UGT1A8: variants seen among roughly 807,000 people sequenced by gnomAD.
UGT1A8 encodes the protein UDP-glucuronosyltransferase 1A8.
In UGT1A8, 39 loss-of-function variants were observed where a neutral mutation model predicts 45.3. That is an observed-to-expected ratio of 0.86 (90% confidence interval 0.67 to 1.12). The LOEUF (loss-of-function observed/expected upper bound fraction) is 1.12. Ranked by LOEUF, UGT1A8 falls within the 50% of genes most tolerant of loss-of-function variation. The pLI is 0.00. For missense variants in UGT1A8, 719 were observed against 664.9 expected (o/e 1.08, Z -0.90); for synonymous variants, 275 against 249.2 (o/e 1.10, Z -0.97).
chr2:233,772,026 TG>T lies in UGT1A8; in HGVS notation c.1296-234del, dbSNP rs35071442. On this transcript the variant is annotated intron_variant, in intron 4 of 4. Transcript: ENST00000373450. Reference sequence around the variant, plus strand: ...TACTCTGGAGGCTGAGGCAGGAGGATGGCTTGAGCCCAGGAGTTGGAGGCTG... The same window carrying T: ...TACTCTGGAGGCTGAGGCAGGAGGATGCTTGAGCCCAGGAGTTGGAGGCTG... 2.7e-3 allele frequency among the ~76,000 whole-genome samples: 414 copies of T among 152,300 alleles called. 2 individuals carry two copies. Among genetic ancestry groups the T allele is most frequent in the African/African-American group, 9.1e-3 (379 of 41,546 alleles).
chr2:233,725,771 TTTG>T (rs1358189375), intron 1 of UGT1A8, among the ~76,000 whole-genome samples: 1 of 152,264 alleles, frequency 6.6e-6, no homozygotes, highest in Admixed American at 6.5e-5. Flanking sequence ...CTTCACATAG[TTTG>T]TTGTTATCAT....
chr2:233,729,775 C>G (rs775577941), intron 1 of UGT1A8: 2 of 1,613,826 alleles, frequency 1.2e-6, no homozygotes, highest in East Asian at 2.2e-5. Context: ...CATGCTCTAC[C>G]CTCTGGCCCT....
At chr2:233,677,749 C>T (rs1351414878) in intron 1 of UGT1A8, among the ~76,000 whole-genome samples, 1 of 151,888 alleles carries the variant, frequency 6.6e-6, no homozygotes, top group African/African-American at 2.4e-5. Flanking sequence ...TTAGTTCATC[C>T]CCTGTGGGAA....
intron 1 of UGT1A8, among the ~76,000 whole-genome samples, chr2:233,657,848 T>C (rs1435360793): frequency 6.6e-6 from 1 of 152,236 alleles, no homozygotes; most frequent in Non-Finnish European, 1.5e-5. Flanking sequence ...AATTGGGTTT[T>C]CTCTTCATTA....
chr2:233,765,991 C>T (rs939830697), intron 1 of UGT1A8, among the ~76,000 whole-genome samples: 3 of 152,048 alleles, frequency 2.0e-5, no homozygotes, highest in Admixed American at 1.3e-4. Context: ...TCCTGAAGCT[C>T]CAGTGGGCGT....
chr2:233,625,959 A>G (rs896354591), intron 1 of UGT1A8, among the ~76,000 whole-genome samples: 8 of 152,040 alleles, frequency 5.3e-5, no homozygotes, highest in African/African-American at 1.9e-4. Context: ...AGAGGAAGTC[A>G]TTCATCATAA....
chr2:233,712,940 C>G (rs367897859), intron 1 of UGT1A8: 1 of 1,612,388 alleles, frequency 6.2e-7, no homozygotes. Context: ...GGAAACAATT[C>G]TAGGAGGCAC....
Position 233,772,859 on chromosome 2 carries a change from T to C in UGT1A8, c.*300T>C. 1.4e-6 allele frequency: 1 copy of C among 698,172 alleles called. No homozygotes were observed. Among genetic ancestry groups the C allele is most frequent in the Non-Finnish European group, 2.1e-6 (1 of 477,226 alleles). The allele number at this position is 698,172 out of a possible 1,614,324, so 43.2% of individuals were successfully genotyped here. On this transcript the variant is annotated 3_prime_UTR_variant, in exon 5 of 5. Transcript: ENST00000373450. ...AGATTACTTTTCTTACTCTGAAACA[T>C]GGCCTGTTTGGGAGTGCGGGATTCA...
At position 233,682,455 on chromosome 2, in the gene UGT1A8, T is replaced by G. The variant is rs769051709; in HGVS notation, c.855+63893T>G. 4 of 1,613,818 alleles carry G rather than the reference T, an allele frequency of 2.5e-6. No homozygotes were observed. The highest frequency in any genetic ancestry group is 1.3e-5 in the African/African-American group (1 of 74,892). ...TCTGTGGTCTTCGCCAGGGGAATAT[T>G]TTGCCACTATCTTGAAGAAGGTGCA... On this transcript the variant is annotated intron_variant, in intron 1 of 4. Transcript: ENST00000373450.
At chr2:233,744,160 C>A (rs555064194) in intron 1 of UGT1A8, 3 of 294,534 alleles carry the variant, frequency 1.0e-5, no homozygotes, top group Non-Finnish European at 2.0e-5. Context: ...CCAGGCCCCG[C>A]CCACTCCGGC....
chr2:233,640,892 C>T (rs1339535752), intron 1 of UGT1A8, among the ~76,000 whole-genome samples: 2 of 152,134 alleles, frequency 1.3e-5, no homozygotes, highest in Admixed American at 1.3e-4. Context: ...AAGAGCTAGG[C>T]TGGCAGGACC....
chr2:233,636,947 T>C, intron 1 of UGT1A8: 5 of 1,614,198 alleles, frequency 3.1e-6, no homozygotes, highest in Non-Finnish European at 4.2e-6. Context: ...GAGAGTTCTT[T>C]TGATGCAGTG....
At position 233,675,487 on chromosome 2, in the gene UGT1A8, G is replaced by T. The variant is rs185925917; in HGVS notation, c.855+56925G>T. 1.6e-4 allele frequency among the ~76,000 whole-genome samples: 25 copies of T among 152,226 alleles called. No homozygotes were observed. In the East Asian group the frequency reaches 4.6e-3, roughly 28 times the overall value. The stretch of plus-strand genomic sequence containing the variant: ...CATCCATGGCAGGTGCGGCTCTGGG[G>T]GTGGGATATGGTTACAGATAAATAA... On this transcript the variant is annotated intron_variant, in intron 1 of 4. Transcript: ENST00000373450.
In UGT1A8 at chr2:233,618,102, A is replaced by C; in HGVS notation, c.395A>C (p.Lys132Thr). 4 of 1,614,128 alleles carry C rather than the reference A, an allele frequency of 2.5e-6. No individual in the cohort carries two copies. Among genetic ancestry groups the C allele is most frequent in the Non-Finnish European group, 3.4e-6 (4 of 1,180,028 alleles). The change falls in exon 1 of 5, where the codon AAA (lysine) becomes ACA (threonine). Residue 132 changes from lysine to threonine, a missense_variant. Physicochemically the swap from Lys to Thr is moderately conservative, Grantham distance 78. Coordinates refer to ENST00000373450, the MANE Select transcript of UGT1A8 (RefSeq NM_019076.5). ...TGCAGGAGTTTGTTTAATGACCGAA[A>C]ATTAGTAGAATACTTAAAGGAGAGT... ...SHCRSLFNDR[K>T]LVEYLKESSF...
intron 1 of UGT1A8, chr2:233,718,007 C>T (rs2076621733): frequency 2.5e-6 from 1 of 406,536 alleles, no homozygotes; most frequent in Admixed American, 2.7e-5. Context: ...GATCTGAGGC[C>T]AGGCTCCAGC....
chr2:233,626,717 CTG>C (rs1007150971), intron 1 of UGT1A8, among the ~76,000 whole-genome samples: 4 of 152,052 alleles, frequency 2.6e-5, no homozygotes, highest in African/African-American at 7.2e-5. Flanking sequence ...CCATAGAAAA[CTG>C]TGTGTAATGA....
chr2:233,722,845 CTT>C (rs61550889), intron 1 of UGT1A8, among the ~76,000 whole-genome samples: 22 of 135,308 alleles, frequency 1.6e-4, no homozygotes, highest in African/African-American at 3.8e-4. Flanking sequence ...AAGAATGTTT[CTT>C]TTTTTTTTTT....
At chr2:233,713,712 A>G (rs1296913167) in intron 1 of UGT1A8, 2 of 1,613,852 alleles carry the variant, frequency 1.2e-6, no homozygotes, top group East Asian at 2.2e-5. Flanking sequence ...GCTTTTTCAG[A>G]GAGAGGTGTC....
intron 1 of UGT1A8, among the ~76,000 whole-genome samples, chr2:233,660,557 A>C (rs1305878928): frequency 6.6e-6 from 1 of 152,214 alleles, no homozygotes; most frequent in Non-Finnish European, 1.5e-5. Flanking sequence ...TTCTACAACA[A>C]AAAGACTGGG....
Sources: allele counts gnomAD v4.1 joint callset (sites outside exome capture counted in the v4.1 genomes callset), GRCh38; gene constraint gnomAD v4.1.1; transcripts MANE v1.5; gene names NCBI Gene and HGNC (gene_info 2026-07-23, HGNC 2026-07-21).